PCDH11X: variants seen among roughly 807,000 people sequenced by gnomAD.
The protein encoded by PCDH11X is protocadherin-11 X-linked.
A neutral mutation model predicts 53.3 loss-of-function variants in PCDH11X; 18 were observed. The observed-to-expected ratio is 0.34, with a 90% CI of 0.23 to 0.50. PCDH11X has a LOEUF of 0.50. Among genes scored for constraint, PCDH11X ranks in the 20% least tolerant of loss-of-function variants. The probability of loss-of-function intolerance (pLI) is 0.98; values close to 1 mark genes in which losing one functional copy is unlikely to be tolerated. For missense variants in PCDH11X, 570 were observed against 1,032.4 expected, an observed-to-expected ratio of 0.55 and a Z score of 6.14; for synonymous variants, 279 against 393.3, an observed-to-expected ratio of 0.71 and a Z score of 3.44.
At chrX:92,587,733 T>C (rs1284104735) in intron 10 of PCDH11X, among the ~76,000 whole-genome samples, 2 of 106,813 alleles carry the variant, frequency 1.9e-5, no homozygotes, top group African/African-American at 3.4e-5. Flanking sequence ...GAAGAAGAGA[T>C]ATTGAAGTAA....
intron 6 of PCDH11X, among the ~76,000 whole-genome samples, chrX:91,992,281 T>G (rs2062340303): frequency 1.9e-5 from 2 of 106,353 alleles, no homozygotes; most frequent in Admixed American, 2.1e-4. Context: ...CTAGTCATTT[T>G]CAAATGTATA....
chrX:92,226,943 T>A (rs986580859), intron 7 of PCDH11X, among the ~76,000 whole-genome samples: 2 of 112,033 alleles, frequency 1.8e-5, no homozygotes, highest in African/African-American at 6.5e-5. Flanking sequence ...TTTAAATTAA[T>A]CCTTAGAAGA....
chrX:92,583,957 T>C (rs1280314567), intron 10 of PCDH11X, among the ~76,000 whole-genome samples: 2 of 107,293 alleles, frequency 1.9e-5, no homozygotes, highest in African/African-American at 6.8e-5. Flanking sequence ...TTTATGTTAA[T>C]GGAATTAAAA....
chrX:91,936,496 G>C (rs1228891889), intron 6 of PCDH11X, among the ~76,000 whole-genome samples: 1 of 107,731 alleles, frequency 9.3e-6, no homozygotes, highest in Non-Finnish European at 1.9e-5. Flanking sequence ...TTCTTGACTT[G>C]CTCCTCTCTG....
intron 8 of PCDH11X, among the ~76,000 whole-genome samples, chrX:92,365,697 A>T (rs1178692124): frequency 2.7e-5 from 3 of 111,528 alleles, no homozygotes; most frequent in African/African-American, 6.5e-5. Context: ...GCATGAAGGG[A>T]TGTTGAATTT....
intron 6 of PCDH11X, among the ~76,000 whole-genome samples, chrX:92,157,252 G>A (rs1177608799): frequency 9.0e-6 from 1 of 111,171 alleles, no homozygotes. Context: ...AGAGCTAAAG[G>A]CCCCTGTTCT....
In PCDH11X at chrX:91,891,931, T is replaced by TA. The variant is rs755357447; in HGVS notation, c.3033+12658_3033+12659insA. ...ATTTGTGAGTATATAATATCAGGGT[T>TA]TAAAAAAAAAAAGAAAAAGAAAAAA... On this transcript the variant is annotated intron_variant, in intron 6 of 10. Transcript: ENST00000682573. 7.4e-4 allele frequency among the ~76,000 whole-genome samples: 67 copies of TA among 90,161 alleles called. 1 individual carries two copies. In the South Asian group the frequency reaches 0.034, roughly 46 times the overall value. 78.3% of individuals were successfully genotyped at this position (90,161 alleles called of 115,157 possible).
At chrX:92,446,251 G>C (rs2072642380) in intron 9 of PCDH11X, among the ~76,000 whole-genome samples, 1 of 110,221 alleles carries the variant, frequency 9.1e-6, no homozygotes, top group African/African-American at 3.3e-5. Flanking sequence ...TGCAAATAAT[G>C]TACTTCTTTT....
chrX:92,190,169 G>T (rs1474133625), intron 6 of PCDH11X, among the ~76,000 whole-genome samples: 10 of 111,413 alleles, frequency 9.0e-5, no homozygotes, highest in African/African-American at 3.3e-4. Flanking sequence ...TGCCTAGATT[G>T]TCTTCTAGGG....
intron 8 of PCDH11X, among the ~76,000 whole-genome samples, chrX:92,269,132 C>T (rs1182184129): frequency 9.0e-6 from 1 of 111,434 alleles, no homozygotes; most frequent in East Asian, 2.9e-4. Flanking sequence ...TTGAGCTTTC[C>T]ATTCAGTAGG....
chrX:92,564,134 A>G (rs903109133), intron 10 of PCDH11X, among the ~76,000 whole-genome samples: 3 of 111,472 alleles, frequency 2.7e-5, no homozygotes, highest in Non-Finnish European at 5.7e-5. Context: ...CAAAAAATGG[A>G]AAGATATTTC....
chrX:92,317,958 A>C (rs1336056037), intron 8 of PCDH11X, among the ~76,000 whole-genome samples: 2 of 111,547 alleles, frequency 1.8e-5, no homozygotes, highest in Non-Finnish European at 3.8e-5. Context: ...TAGTACTGAT[A>C]GTAGAAGTAG....
At chrX:91,946,558 CATAT>C (rs766671132) in intron 6 of PCDH11X, among the ~76,000 whole-genome samples, 3,528 of 31,493 alleles carry the variant, frequency 0.11, 91 homozygotes, top group Admixed American at 0.15. Context: ...CTGTTTCCCT[CATAT>C]ATATATATAT....
intron 9 of PCDH11X, among the ~76,000 whole-genome samples, chrX:92,450,061 T>C (rs959262062): frequency 1.2e-4 from 13 of 111,299 alleles, no homozygotes; most frequent in African/African-American, 4.2e-4. Flanking sequence ...GTCAATTACA[T>C]TGTATCCATC....
chrX:92,351,308 G>T (rs1267411229), intron 8 of PCDH11X, among the ~76,000 whole-genome samples: 1 of 111,541 alleles, frequency 9.0e-6, no homozygotes, highest in Non-Finnish European at 1.9e-5. Flanking sequence ...TTCAGAATAA[G>T]TCATCCAAGA....
intron 5 of PCDH11X, among the ~76,000 whole-genome samples, chrX:91,854,822 G>T (rs1317386151): frequency 9.0e-6 from 1 of 111,441 alleles, no homozygotes; most frequent in African/African-American, 3.3e-5. Context: ...CAAATCTTTT[G>T]CCCATTTTTT....
chrX:92,222,800 T>C (rs1364675856), intron 7 of PCDH11X, among the ~76,000 whole-genome samples: 1 of 111,692 alleles, frequency 9.0e-6, no homozygotes, highest in African/African-American at 3.3e-5. Flanking sequence ...AGATTTCCCC[T>C]TGGTCCATTC....
intron 6 of PCDH11X, among the ~76,000 whole-genome samples, chrX:91,941,341 G>T (rs1447420428): frequency 9.0e-6 from 1 of 111,386 alleles, no homozygotes; most frequent in Admixed American, 9.5e-5. Flanking sequence ...CTATAAAAAT[G>T]CACTTTAATT....
intron 2 of PCDH11X, among the ~76,000 whole-genome samples, 159 bp downstream of exon 2, chrX:91,809,793 G>A (rs753004887): frequency 9.1e-6 from 1 of 109,774 alleles, no homozygotes; most frequent in South Asian, 3.9e-4. Flanking sequence ...AAGTTCTATT[G>A]GATAGTACTG....
Sources: gnomAD v4.1 joint callset for allele counts (sites outside exome capture counted in the v4.1 genomes callset) on GRCh38, gnomAD v4.1.1 for gene constraint, MANE v1.5 for transcripts, NCBI Gene and HGNC (gene_info 2026-07-23, HGNC 2026-07-21) for gene names.